DEUP1: variants seen among roughly 807,000 people sequenced by gnomAD.
The protein encoded by DEUP1 is coiled-coil domain containing 67.
Under a neutral mutation model 87.4 loss-of-function variants are expected in DEUP1, and 82 were observed. The ratio of observed to expected loss-of-function variants is 0.94; its 90% CI spans 0.78 to 1.13. DEUP1 has a LOEUF of 1.13. Among genes scored for constraint, DEUP1 ranks in the 50% most tolerant of loss-of-function variants. DEUP1 has a pLI of 0.00. For missense variants in DEUP1, 663 were observed against 681.5 expected, an observed-to-expected ratio of 0.97 and a Z score of 0.30; for synonymous variants, 214 against 222.7, an observed-to-expected ratio of 0.96 and a Z score of 0.35.
chr11:93,399,828 A>G (rs10831033), intron 11 of DEUP1, among the ~76,000 whole-genome samples: 1 of 151,420 alleles, frequency 6.6e-6, no homozygotes, highest in East Asian at 1.9e-4. Context: ...TTTCTTTTTG[A>G]TCATATACCA....
intron 2 of DEUP1, among the ~76,000 whole-genome samples, chr11:93,337,942 A>G (rs1289189065): frequency 7.0e-6 from 1 of 143,278 alleles, no homozygotes; most frequent in Non-Finnish European, 1.6e-5. Context: ...GAATGTAGAT[A>G]TGTACATCAG....
intron 13 of DEUP1, among the ~76,000 whole-genome samples, chr11:93,416,411 C>G (rs1947630481): frequency 6.6e-6 from 1 of 152,202 alleles, no homozygotes; most frequent in Non-Finnish European, 1.5e-5. Flanking sequence ...CACCTCTACG[C>G]AAATAAACTA....
intron 13 of DEUP1, among the ~76,000 whole-genome samples, chr11:93,416,364 C>T (rs1947627537): frequency 6.6e-6 from 1 of 152,120 alleles, no homozygotes; most frequent in Non-Finnish European, 1.5e-5. Flanking sequence ...CCACCGATCC[C>T]ACAGAAATAC....
chr11:93,331,117 C>A (rs947875569), intron 1 of DEUP1, among the ~76,000 whole-genome samples: 1 of 152,198 alleles, frequency 6.6e-6, no homozygotes, highest in East Asian at 1.9e-4. Context: ...TTGGTCTGCT[C>A]CTTCTGGTCA....
intron 12 of DEUP1, among the ~76,000 whole-genome samples, chr11:93,409,932 C>G (rs2134424644): frequency 6.6e-6 from 1 of 152,184 alleles, no homozygotes; most frequent in Non-Finnish European, 1.5e-5. Flanking sequence ...AGACAAATGG[C>G]TGAATCTGAC....
At chr11:93,342,738 A>T (rs1198946926) in intron 2 of DEUP1, among the ~76,000 whole-genome samples, 1 of 152,212 alleles carries the variant, frequency 6.6e-6, no homozygotes, top group Non-Finnish European at 1.5e-5. Flanking sequence ...TGGGTAGGAA[A>T]CTAGGAGAGA....
chr11:93,428,261 A>C (rs1947992996), intron 13 of DEUP1, among the ~76,000 whole-genome samples: 1 of 152,156 alleles, frequency 6.6e-6, no homozygotes, highest in South Asian at 2.1e-4. Context: ...AATACTATGC[A>C]GCCATAAAAA....
rs1462303141 is a variant in DEUP1 at position 93,376,668 on chromosome 11, TG to T, written c.789+5390del. Among the ~76,000 whole-genome samples, 3 of 152,166 alleles carry T rather than the reference TG, an allele frequency of 2.0e-5. No individual in the cohort carries two copies. In the East Asian group the frequency reaches 5.8e-4, roughly 29 times the overall value. On this transcript the variant is annotated intron_variant, in intron 7 of 13. Coordinates refer to ENST00000298050, the MANE Select transcript of DEUP1 (RefSeq NM_181645.4). ...TATTTTCTTTTATTGGGTTTGAGTT[TG>T]GTTTGTTATTGTTTCTCTGGTGTCT...
intron 5 of DEUP1, among the ~76,000 whole-genome samples, chr11:93,368,429 C>G (rs1265397634): frequency 6.6e-6 from 1 of 152,206 alleles, no homozygotes; most frequent in Non-Finnish European, 1.5e-5. Flanking sequence ...GTTTAATTGA[C>G]TCACAGTTCC....
chr11:93,437,603 G>T lies in DEUP1; in HGVS notation c.1699G>T (p.Glu567Ter), dbSNP rs1948285411. 6.2e-7 allele frequency: 1 copy of T among 1,613,464 alleles called. No individual in the cohort carries two copies. The highest frequency in any genetic ancestry group is 1.3e-5 in the African/African-American group (1 of 74,892). The stretch of plus-strand genomic sequence containing the variant: ...TGCACAGCATTTCCTTCTGGAAGAA[G>T]AGAAACGAGCAAAAGAACTTGAAAA... Reference protein sequence around the residue: ...LAAQHFLLEEEKRAKELEKLL... With the variant: ...LAAQHFLLEE Residue 567 changes from glutamate (E) to a stop codon, truncating the protein, a stop_gained, in exon 14 of 14, where the codon GAG (glutamate) becomes TAG (stop). Transcript: ENST00000298050. LOFTEE classifies it high-confidence loss of function.
intron 12 of DEUP1, among the ~76,000 whole-genome samples, chr11:93,408,637 A>C (rs753232668): frequency 1.1e-4 from 17 of 152,254 alleles, no homozygotes; most frequent in Admixed American, 3.9e-4. Flanking sequence ...GTTACAGTGG[A>C]TTTTAGTTTG....
At chr11:93,399,156 C>A (rs1947035613) in intron 11 of DEUP1, among the ~76,000 whole-genome samples, 1 of 151,820 alleles carries the variant, frequency 6.6e-6, no homozygotes, top group Non-Finnish European at 1.5e-5. Flanking sequence ...CCTTCCTTGA[C>A]TAACAGGGTC....
intron 12 of DEUP1, among the ~76,000 whole-genome samples, chr11:93,409,826 CA>C (rs1947386007): frequency 6.6e-6 from 1 of 152,052 alleles, no homozygotes; most frequent in Admixed American, 6.6e-5. Flanking sequence ...CTTGTAGTTC[CA>C]TAAATGTTAA....
At chr11:93,351,492 C>A (rs1468689872) in intron 2 of DEUP1, among the ~76,000 whole-genome samples, 4 of 152,092 alleles carry the variant, frequency 2.6e-5, no homozygotes, top group Admixed American at 2.6e-4. Context: ...AGTTCTTTTT[C>A]TTCAGAGTGG....
intron 4 of DEUP1, among the ~76,000 whole-genome samples, chr11:93,358,263 G>A (rs556179372): frequency 3.9e-5 from 6 of 152,284 alleles, no homozygotes; most frequent in African/African-American, 2.4e-5. Flanking sequence ...CAGGCACCAA[G>A]CAGTCATTTA....
At chr11:93,418,897 T>C (rs1366866871) in intron 13 of DEUP1, among the ~76,000 whole-genome samples, 3 of 151,848 alleles carry the variant, frequency 2.0e-5, no homozygotes, top group Non-Finnish European at 2.9e-5. Flanking sequence ...ATGGATGAAG[T>C]TGGAAATCAT....
chr11:93,332,349 A>T, intron 2 of DEUP1, 61 bp downstream of exon 2: 1 of 1,375,758 alleles, frequency 7.3e-7, no homozygotes, highest in African/African-American at 1.4e-5. Flanking sequence ...AAACTTCCTG[A>T]GAACACATGA....
At chr11:93,407,990 A>C (rs1024091202) in intron 11 of DEUP1, among the ~76,000 whole-genome samples, 1 of 152,038 alleles carries the variant, frequency 6.6e-6, no homozygotes, top group Non-Finnish European at 1.5e-5. Flanking sequence ...ACCATCCAAC[A>C]GTGGGGATGA....
At chr11:93,349,797 C>A (rs1054016887) in intron 2 of DEUP1, among the ~76,000 whole-genome samples, 1 of 151,928 alleles carries the variant, frequency 6.6e-6, no homozygotes, top group Non-Finnish European at 1.5e-5. Flanking sequence ...ATAAAGACCA[C>A]CCAAATGAAA....
Sources: allele counts gnomAD v4.1 joint callset (sites outside exome capture counted in the v4.1 genomes callset), GRCh38; gene constraint gnomAD v4.1.1; transcripts MANE v1.5; gene names NCBI Gene and HGNC (gene_info 2026-07-23, HGNC 2026-07-21).